The following ADAM10 variants were observed in gnomAD, a reference collection of about 807,000 sequenced individuals.
ADAM10 encodes disintegrin and metalloproteinase domain-containing protein 10.
ADAM10 carries 17 observed loss-of-function variants against 90.1 expected under a neutral mutation model. The ratio of observed to expected loss-of-function variants is 0.19; its 90% confidence interval spans 0.13 to 0.28. The LOEUF is 0.28. Ranked by LOEUF, ADAM10 falls within the 10% of genes least tolerant of loss-of-function variation. ADAM10 has a pLI of 1.00. For synonymous variants in ADAM10, 310 were observed against 298.6 expected, an observed-to-expected ratio of 1.04 and a Z score of -0.40; for missense variants, 610 against 914.3, an observed-to-expected ratio of 0.67 and a Z score of 4.29.
chr15:58,721,883 C>T lies in ADAM10; in HGVS notation c.56-4156G>A, dbSNP rs573467606. Among the ~76,000 whole-genome samples, 7 of 150,840 alleles carry T rather than the reference C, an allele frequency of 4.6e-5. No individual in the cohort carries two copies. In the East Asian group the frequency reaches 9.9e-4, roughly 21 times the overall value. On this transcript the variant is annotated intron_variant, in intron 1 of 15. Transcript: ENST00000260408. Reference sequence around the variant, plus strand: ...CCTCTGCTAAAAATACAAAAAATAGCTGGGCATGGTGGCAGGTGCCTGTAA... The same window carrying T: ...CCTCTGCTAAAAATACAAAAAATAGTTGGGCATGGTGGCAGGTGCCTGTAA...
chr15:58,688,786 A>ATCTCTCTCTC (rs1176204968), intron 2 of ADAM10, among the ~76,000 whole-genome samples: 1 of 122,388 alleles, frequency 8.2e-6, no homozygotes, highest in African/African-American at 3.6e-5. Flanking sequence ...ATATATATAT[A>ATCTCTCTCTC]TCTCTCTCTC....
Position 58,624,463 on chromosome 15 carries a change from A to C in ADAM10, c.1361-2842T>G, listed in dbSNP as rs538118728. Reference sequence around the variant, plus strand: ...TACATACATTATTTACTACATATTAATTTTTATTTCATATAAAATTAGTAC... The same window carrying C: ...TACATACATTATTTACTACATATTACTTTTTATTTCATATAAAATTAGTAC... On this transcript the variant is annotated intron_variant, in intron 10 of 15. Coordinates refer to ENST00000260408, the MANE Select transcript of ADAM10 (RefSeq NM_001110.4). 2.0e-5 allele frequency among the ~76,000 whole-genome samples: 3 copies of C among 152,336 alleles called. No individual in the cohort carries two copies. In the South Asian group the frequency reaches 6.2e-4, roughly 32 times the overall value.
At chr15:58,713,957 C>T (rs145874636) in intron 2 of ADAM10, among the ~76,000 whole-genome samples, 10 of 151,470 alleles carry the variant, frequency 6.6e-5, no homozygotes, top group African/African-American at 2.2e-4. Flanking sequence ...GGACTACAGG[C>T]GCATGCCCAG....
chr15:58,652,546 T>C (rs2140707191), intron 5 of ADAM10, among the ~76,000 whole-genome samples: 1 of 152,264 alleles, frequency 6.6e-6, no homozygotes. Context: ...AAATGCACTG[T>C]AGGTGTATCA....
chr15:58,687,310 C>T (rs1897630114), intron 2 of ADAM10, among the ~76,000 whole-genome samples: 1 of 152,182 alleles, frequency 6.6e-6, no homozygotes, highest in African/African-American at 2.4e-5. Flanking sequence ...TGTATTCTTA[C>T]GTTCCTCTAC....
At chr15:58,694,740 G>C (rs1479062419) in intron 2 of ADAM10, among the ~76,000 whole-genome samples, 2 of 128,650 alleles carry the variant, frequency 1.6e-5, no homozygotes, top group Non-Finnish European at 3.1e-5. Flanking sequence ...AAACTACTCA[G>C]AAATTAAAAA....
At chr15:58,725,054 T>C (rs2140828268) in intron 1 of ADAM10, among the ~76,000 whole-genome samples, 1 of 151,966 alleles carries the variant, frequency 6.6e-6, no homozygotes, top group African/African-American at 2.4e-5. Context: ...CTGGGCACAG[T>C]GGCACATGCC....
At chr15:58,746,969 A>C (rs1272444499) in intron 1 of ADAM10, among the ~76,000 whole-genome samples, 1 of 152,220 alleles carries the variant, frequency 6.6e-6, no homozygotes, top group South Asian at 2.1e-4. Context: ...GCTCTGGTCA[A>C]GTTTCCAGAA....
rs75011762 is a variant in ADAM10 at position 58,612,407 on chromosome 15, A to G, written c.1512-416T>C. ...CTGGGATACTATGCCTACAGGCCAA[A>G]CAACTCTAGCACCCTGCTTCCCTGG... On this transcript the variant is annotated intron_variant, in intron 11 of 15. Transcript: ENST00000260408. Among the ~76,000 whole-genome samples the G allele has an allele frequency of 7.5e-4, 114 of 152,272 alleles. No homozygotes were observed. In the East Asian group the frequency reaches 0.02, roughly 27 times the overall value.
chr15:58,668,563 C>A (rs1035462706), intron 4 of ADAM10, among the ~76,000 whole-genome samples: 1 of 152,066 alleles, frequency 6.6e-6, no homozygotes, highest in African/African-American at 2.4e-5. Context: ...AAAGTCTACC[C>A]CTTATCTTCA....
chr15:58,698,967 T>C (rs1333752900), intron 2 of ADAM10, among the ~76,000 whole-genome samples: 1 of 151,936 alleles, frequency 6.6e-6, no homozygotes, highest in Admixed American at 6.6e-5. Context: ...TAGATACAAC[T>C]CGAAAAGGTC....
intron 8 of ADAM10, among the ~76,000 whole-genome samples, chr15:58,637,243 T>C (rs7178954): frequency 6.6e-6 from 1 of 152,056 alleles, no homozygotes; most frequent in Non-Finnish European, 1.5e-5. Flanking sequence ...CCTCAAAAGA[T>C]GTTCTTCACA....
chr15:58,691,214 C>G, intron 2 of ADAM10: 1 of 808,380 alleles, frequency 1.2e-6, no homozygotes, highest in South Asian at 1.3e-5. Context: ...TGCAGAGGTT[C>G]TCAAACTTTA....
intron 1 of ADAM10, chr15:58,748,778 C>G: frequency 1.0e-5 from 4 of 396,908 alleles, no homozygotes; most frequent in Non-Finnish European, 1.8e-5. Flanking sequence ...AGAATGTTTT[C>G]AAGAACACCA....
intron 2 of ADAM10, among the ~76,000 whole-genome samples, chr15:58,688,164 A>T (rs566083152): frequency 6.6e-6 from 1 of 152,332 alleles, no homozygotes; most frequent in Non-Finnish European, 1.5e-5. Flanking sequence ...GACTGGGGGA[A>T]AGATGTCCAG....
intron 11 of ADAM10, among the ~76,000 whole-genome samples, chr15:58,618,440 C>G (rs1895683072): frequency 6.6e-6 from 1 of 152,076 alleles, no homozygotes; most frequent in South Asian, 2.1e-4. Flanking sequence ...GAAAAGATAT[C>G]AGGACATTGA....
intron 2 of ADAM10, among the ~76,000 whole-genome samples, chr15:58,705,153 A>T (rs1898242644): frequency 1.3e-5 from 2 of 152,222 alleles, no homozygotes; most frequent in South Asian, 2.1e-4. Flanking sequence ...AACTCTGTCC[A>T]CTACTATGTT....
At position 58,595,721 on chromosome 15, in the gene ADAM10, A is replaced by G. The variant is rs1450737156; in HGVS notation, c.*1826T>C. On this transcript the variant is annotated 3_prime_UTR_variant, in exon 16 of 16. Coordinates refer to ENST00000260408, the MANE Select transcript of ADAM10 (RefSeq NM_001110.4). ...CACAGGATAACATTACAAGCAAAAA[A>G]TTTACATGTTCCAAAGTCTACCACA... is the stretch of plus-strand genomic sequence containing the variant. The G allele has an allele frequency of 6.6e-6, 1 of 152,122 alleles. No individual in the cohort carries two copies. The highest frequency in any genetic ancestry group is 1.5e-5 in the Non-Finnish European group (1 of 67,982). The allele number at this position is 152,122 out of a possible 1,614,324, so 9.4% of individuals were successfully genotyped here.
chr15:58,714,292 T>TACACACACACACACACACAC (rs71116591), intron 2 of ADAM10, among the ~76,000 whole-genome samples: 8 of 142,902 alleles, frequency 5.6e-5, no homozygotes, highest in African/African-American at 1.8e-4. Flanking sequence ...TACATACACA[T>TACACACACACACACACACAC]ACACACACAC....
Sources: allele counts gnomAD v4.1 joint callset (sites outside exome capture counted in the v4.1 genomes callset), GRCh38; gene constraint gnomAD v4.1.1; transcripts MANE v1.5; gene names NCBI Gene and HGNC (gene_info 2026-07-23, HGNC 2026-07-21).